Variants in TSNARE1 observed in about 807,000 individuals in gnomAD.
The protein encoded by TSNARE1 is t-SNARE domain-containing protein 1.
TSNARE1 carries 49 observed loss-of-function variants against 62.0 expected under a neutral mutation model. That is an observed-to-expected ratio of 0.79 (90% CI 0.63 to 1.00). The LOEUF (loss-of-function observed/expected upper bound fraction) is 1.00, where lower values mean the gene tolerates loss of function less well. Among genes scored for constraint, TSNARE1 ranks in the 50% least tolerant of loss-of-function variants. The pLI is 0.00. For missense variants in TSNARE1, 755 were observed against 700.1 expected (o/e 1.08, Z -0.88); for synonymous variants, 328 against 294.4 (o/e 1.11, Z -1.17).
chr8:142,389,712 G>A (rs1377770157), intron 1 of TSNARE1, among the ~76,000 whole-genome samples: 1 of 152,210 alleles, frequency 6.6e-6, no homozygotes, highest in African/African-American at 2.4e-5. Context: ...CGTCAAGGGA[G>A]GGAGGGATCC....
intron 13 of TSNARE1, among the ~76,000 whole-genome samples, chr8:142,221,760 CT>C (rs1816239162): frequency 4.3e-4 from 1 of 2,330 alleles, no homozygotes; most frequent in Non-Finnish European, 1.3e-3. Flanking sequence ...CACTCATTCA[CT>C]CACTCACTCA....
At chr8:142,257,171 G>A (rs1818626698) in intron 12 of TSNARE1, among the ~76,000 whole-genome samples, 1 of 152,208 alleles carries the variant, frequency 6.6e-6, no homozygotes, top group African/African-American at 2.4e-5. Flanking sequence ...TTTCAGCACA[G>A]TGCCCACTTC....
intron 4 of TSNARE1, among the ~76,000 whole-genome samples, chr8:142,337,097 GAA>G (rs1489217687): frequency 6.6e-6 from 1 of 152,048 alleles, no homozygotes; most frequent in Non-Finnish European, 1.5e-5. Context: ...GCAGGAGAAA[GAA>G]ATAATAAAGG....
chr8:142,333,285 G>A (rs78872641), intron 4 of TSNARE1, among the ~76,000 whole-genome samples: 2,708 of 152,278 alleles, frequency 0.018, 84 homozygotes, highest in African/African-American at 0.062. Flanking sequence ...GGCCGAGCTC[G>A]CTCCGAAACG....
chr8:142,223,953 T>TATC, intron 13 of TSNARE1, among the ~76,000 whole-genome samples: 2 of 4,932 alleles, frequency 4.1e-4, no homozygotes, highest in Non-Finnish European at 1.3e-3. Context: ...AGGGGAGGGC[T>TATC]TTCTGCCAAG....
At chr8:142,388,550 CTTTTTT>C (rs71313221) in intron 1 of TSNARE1, among the ~76,000 whole-genome samples, 3 of 67,410 alleles carry the variant, frequency 4.5e-5, no homozygotes, top group Middle Eastern at 0.018. Flanking sequence ...AAAACAAAAT[CTTTTTT>C]TTTTTTTTTT....
chr8:142,262,292 G>A (rs1818936276), intron 12 of TSNARE1, among the ~76,000 whole-genome samples: 1 of 151,964 alleles, frequency 6.6e-6, no homozygotes, highest in Admixed American at 6.5e-5. Flanking sequence ...GGAATTGGCA[G>A]CTTTACAAAA....
intron 12 of TSNARE1, among the ~76,000 whole-genome samples, chr8:142,233,080 G>T (rs4976953): frequency 0.57 from 86,625 of 152,150 alleles, 26,790 homozygotes; most frequent in African/African-American, 0.81. Context: ...CAGCCGGCCA[G>T]GCACACAGCC....
intron 11 of TSNARE1, chr8:142,277,496 A>G: frequency 1.0e-6 from 1 of 985,420 alleles, no homozygotes; most frequent in South Asian, 4.7e-5. Context: ...GCAGAGCGGA[A>G]AGCATGGCCG....
At chr8:142,271,209 C>T (rs946504301) in intron 12 of TSNARE1, 1 of 997,472 alleles carries the variant, frequency 1.0e-6, no homozygotes, top group East Asian at 1.0e-4. Context: ...GCAGGACTAC[C>T]GTCCTGGAGT....
chr8:142,282,445 G>GTCTA (rs1563821518), intron 11 of TSNARE1, among the ~76,000 whole-genome samples: 1 of 151,784 alleles, frequency 6.6e-6, no homozygotes, highest in Non-Finnish European at 1.5e-5. Flanking sequence ...AGGGGCCAGT[G>GTCTA]TCTATCAATG....
intron 10 of TSNARE1, among the ~76,000 whole-genome samples, chr8:142,285,614 AGGTG>A (rs1248171711): frequency 6.9e-6 from 1 of 143,992 alleles, no homozygotes; most frequent in Non-Finnish European, 1.5e-5. Context: ...GATGATGGAC[AGGTG>A]GGTGGGTGGG....
intron 4 of TSNARE1, among the ~76,000 whole-genome samples, chr8:142,338,412 A>G (rs1206367971): frequency 6.6e-6 from 1 of 152,176 alleles, no homozygotes; most frequent in Admixed American, 6.5e-5. Flanking sequence ...GGGCACCCAC[A>G]CAGCCACTCC....
intron 10 of TSNARE1, among the ~76,000 whole-genome samples, chr8:142,298,588 G>C (rs371058075): frequency 2.0e-5 from 3 of 152,308 alleles, no homozygotes; most frequent in East Asian, 3.9e-4. Flanking sequence ...CTCCCTGGAC[G>C]CTGCCCTCTA....
chr8:142,276,843 A>G, intron 11 of TSNARE1: 1 of 985,398 alleles, frequency 1.0e-6, no homozygotes, highest in Non-Finnish European at 1.2e-6. Context: ...CTTAGCCAGC[A>G]TGGCACTGCC....
At chr8:142,222,198 T>TCATC (rs1563754689) in intron 13 of TSNARE1, among the ~76,000 whole-genome samples, 10 of 83,654 alleles carry the variant, frequency 1.2e-4, no homozygotes, top group African/African-American at 4.6e-4. Context: ...ACTCATTCAC[T>TCATC]CACTCACTCA....
intron 2 of TSNARE1, among the ~76,000 whole-genome samples, chr8:142,349,270 A>G (rs1316481499): frequency 6.6e-6 from 1 of 152,258 alleles, no homozygotes; most frequent in Non-Finnish European, 1.5e-5. Flanking sequence ...AGTAATTCCT[A>G]AACAAAGAAA....
chr8:142,293,245 A>C (rs1824109344), intron 10 of TSNARE1, among the ~76,000 whole-genome samples: 1 of 152,230 alleles, frequency 6.6e-6, no homozygotes, highest in Non-Finnish European at 1.5e-5. Context: ...GCCAACAGCA[A>C]AGCCCAGGGT....
intron 11 of TSNARE1, chr8:142,277,406 G>A (rs1488496285): frequency 4.1e-6 from 4 of 985,222 alleles, no homozygotes; most frequent in African/African-American, 1.7e-5. Flanking sequence ...CCCTGCACTG[G>A]GTCAACTCGC....
Sources: allele counts gnomAD v4.1 joint callset (sites outside exome capture counted in the v4.1 genomes callset), GRCh38; gene constraint gnomAD v4.1.1; transcripts MANE v1.5; gene names NCBI Gene and HGNC (gene_info 2026-07-23, HGNC 2026-07-21).